Variants in MYT1L observed in about 807,000 individuals in gnomAD.
The protein encoded by MYT1L is myelin transcription factor 1-like protein.
Under a neutral mutation model 126.7 loss-of-function variants are expected in MYT1L, and 12 were observed. The observed-to-expected ratio is 0.09, with a 90% CI of 0.06 to 0.15. The LOEUF (loss-of-function observed/expected upper bound fraction) is 0.15, where lower values mean the gene tolerates loss of function less well. Ranked by LOEUF, MYT1L falls within the 10% of genes least tolerant of loss-of-function variation. MYT1L has a pLI of 1.00. For synonymous variants in MYT1L, 541 were observed against 604.2 expected, an observed-to-expected ratio of 0.90 and a Z score of 1.53; for missense variants, 979 against 1,585.2, an observed-to-expected ratio of 0.62 and a Z score of 6.49.
At chr2:1,849,090 T>C (rs1359320322) in intron 19 of MYT1L, among the ~76,000 whole-genome samples, 1 of 151,588 alleles carries the variant, frequency 6.6e-6, no homozygotes, top group South Asian at 2.1e-4. Context: ...GTCTAAGATA[T>C]ATGTAAAATG....
At chr2:1,984,472 C>T (rs971592765) in intron 5 of MYT1L, among the ~76,000 whole-genome samples, 11 of 151,150 alleles carry the variant, frequency 7.3e-5, no homozygotes, top group South Asian at 2.1e-4. Context: ...TCTGGGATCC[C>T]TGGTGTGAGC....
chr2:1,855,019 T>C (rs1490892116), intron 18 of MYT1L, among the ~76,000 whole-genome samples: 1 of 152,200 alleles, frequency 6.6e-6, no homozygotes, highest in Non-Finnish European at 1.5e-5. Context: ...CTAGACCACA[T>C]AAGGCAGCCC....
At chr2:1,827,697 GC>G (rs1374009446) in intron 21 of MYT1L, 1 of 152,154 alleles carries the variant, frequency 6.6e-6, no homozygotes, top group Non-Finnish European at 1.5e-5. Flanking sequence ...TCCTGAGTGT[GC>G]CCTGTCTATA....
At chr2:2,238,855 G>A (rs577412186) in intron 2 of MYT1L, among the ~76,000 whole-genome samples, 33 of 152,254 alleles carry the variant, frequency 2.2e-4, no homozygotes, top group African/African-American at 7.5e-4. Context: ...AGCTGTACAC[G>A]TCCCAGTCTC....
chr2:2,115,280 A>T (rs907847458), intron 3 of MYT1L, among the ~76,000 whole-genome samples: 11 of 152,252 alleles, frequency 7.2e-5, no homozygotes, highest in Admixed American at 6.5e-4. Context: ...CCACAAGGCC[A>T]GTGTTTTTAC....
Position 1,903,241 on chromosome 2 carries a change from T to C in MYT1L, c.1871A>G (p.Asn624Ser), listed in dbSNP as rs747542399. 5 of 1,613,814 alleles carry C rather than the reference T, an allele frequency of 3.1e-6. No homozygotes were observed. The highest frequency in any genetic ancestry group is 4.5e-5 in the East Asian group (2 of 44,896). The change falls in exon 14 of 25, where the codon AAT becomes AGT. Residue 624 changes from asparagine (N) to serine (S), a missense_variant. Physicochemically the swap from Asn to Ser is conservative, Grantham distance 46. This residue lies in a region of MYT1L where 82 missense variants were observed against 177.2 expected (regional missense o/e 0.46). Transcript: ENST00000647738. Reference sequence around the variant, plus strand: ...GGAACGCGGCGTAGTTGTGGGGACATTGTTTCTGTAGCCATACTGAGGAAT... The same window carrying C: ...GGAACGCGGCGTAGTTGTGGGGACACTGTTTCTGTAGCCATACTGAGGAAT... ...LEIPQYGYRN[N>S]VPTTTPRSNL...
chr2:1,903,898 G>A (rs527924046), intron 13 of MYT1L, among the ~76,000 whole-genome samples: 30 of 152,198 alleles, frequency 2.0e-4, no homozygotes, highest in African/African-American at 7.0e-4. Flanking sequence ...AAGGACACTG[G>A]GTCATTGCTC....
chr2:2,275,087 C>T (rs2095332327), intron 2 of MYT1L, among the ~76,000 whole-genome samples: 1 of 152,090 alleles, frequency 6.6e-6, no homozygotes, highest in African/African-American at 2.4e-5. Context: ...GGGACCACAG[C>T]TGGAGAGTGC....
chr2:1,830,792 G>A (rs1042098837), intron 21 of MYT1L, among the ~76,000 whole-genome samples: 4 of 148,200 alleles, frequency 2.7e-5, no homozygotes, highest in African/African-American at 5.2e-5. Context: ...GGGGAACTGT[G>A]GAGTGTGCCT....
At chr2:2,019,947 G>C (rs759286958) in intron 4 of MYT1L, among the ~76,000 whole-genome samples, 5 of 152,004 alleles carry the variant, frequency 3.3e-5, no homozygotes, top group Non-Finnish European at 7.4e-5. Context: ...TGGGCTCAAG[G>C]GATCCTCCCA....
In MYT1L at chr2:2,033,063, C is replaced by T. The variant is rs199708597; in HGVS notation, c.-158+20915G>A. 1.0e-4 allele frequency among the ~76,000 whole-genome samples: 14 copies of T among 134,750 alleles called. No homozygotes were observed. The East Asian group carries it at 1.4e-3, about 14-fold the overall frequency. 88.4% of individuals were successfully genotyped at this position (134,750 alleles called of 152,430 possible). A position where few individuals can be genotyped will look rare whatever the true frequency, so the allele number is the denominator to read the frequency against. On this transcript the variant is annotated intron_variant, in intron 4 of 24. Coordinates refer to ENST00000647738, the MANE Select transcript of MYT1L (RefSeq NM_001303052.2). ...GAAGGAGGGCCTTACACACACCCCT[C>T]GCCAGTGCCTCTCATCCTGTGGCCC...
rs558417284 is a variant in MYT1L at position 1,991,647 on chromosome 2, C to A, written c.-1+5544G>T. 4.1e-4 allele frequency among the ~76,000 whole-genome samples: 63 copies of A among 152,264 alleles called. 2 individuals carry two copies. In the South Asian group the frequency reaches 0.012, roughly 28 times the overall value. ...CCATCCTTCTTTCCAGTGTGTCTGT[C>A]CATCCCTCTCGCCTGGTTCGCCTCC... On this transcript the variant is annotated intron_variant, in intron 5 of 24. Transcript: ENST00000647738.
chr2:2,163,437 C>A (rs547222022), intron 3 of MYT1L, among the ~76,000 whole-genome samples: 181 of 152,052 alleles, frequency 1.2e-3, no homozygotes, highest in Non-Finnish European at 2.1e-3. Flanking sequence ...AAGTAAGAAA[C>A]AAAACAGGCC....
chr2:2,259,572 G>T (rs1438493372), intron 2 of MYT1L, among the ~76,000 whole-genome samples: 1 of 151,966 alleles, frequency 6.6e-6, no homozygotes, highest in Non-Finnish European at 1.5e-5. Context: ...AAAAAATCAG[G>T]AATATGTCCC....
intron 1 of MYT1L, chr2:2,325,123 G>A (rs1374359836): frequency 1.3e-5 from 2 of 152,386 alleles, no homozygotes; most frequent in Non-Finnish European, 2.9e-5. Flanking sequence ...TATCATTGAT[G>A]TTATGGTAAA....
intron 2 of MYT1L, among the ~76,000 whole-genome samples, chr2:2,221,925 C>A (rs2093885164): frequency 6.6e-6 from 1 of 152,128 alleles, no homozygotes; most frequent in African/African-American, 2.4e-5. Flanking sequence ...GCTGAAGCCG[C>A]CTTCCTGTTT....
At chr2:2,004,244 T>C in intron 4 of MYT1L, among the ~76,000 whole-genome samples, 1 of 150,034 alleles carries the variant, frequency 6.7e-6, no homozygotes, top group East Asian at 2.0e-4. Flanking sequence ...CCTGCAGGCG[T>C]TCTTTCCTGC....
At chr2:2,233,444 G>A (rs917176496) in intron 2 of MYT1L, among the ~76,000 whole-genome samples, 3 of 152,166 alleles carry the variant, frequency 2.0e-5, no homozygotes, top group Admixed American at 6.5e-5. Context: ...GTGCCCCTGC[G>A]GACCTCGCCT....
At position 2,000,278 on chromosome 2, in the gene MYT1L, T is replaced by C. The variant is rs557837658; in HGVS notation, c.-157-2931A>G. Among the ~76,000 whole-genome samples the C allele has an allele frequency of 2.7e-3, 415 of 152,266 alleles. 4 individuals carry two copies. Among genetic ancestry groups the C allele is most frequent in the African/African-American group, 9.6e-3 (401 of 41,556 alleles). On this transcript the variant is annotated intron_variant, in intron 4 of 24. Transcript: ENST00000647738. ...CCACAACCTGGTGCACAGACTCCTG[T>C]CCCAGGGCAGGGGGGTCAAGAACCT... is the stretch of plus-strand genomic sequence containing the variant.
Sources: allele counts gnomAD v4.1 joint callset (sites outside exome capture counted in the v4.1 genomes callset), GRCh38; gene constraint gnomAD v4.1.1; regional missense constraint gnomAD v4.1.1; transcripts MANE v1.5; gene names NCBI Gene and HGNC (gene_info 2026-07-23, HGNC 2026-07-21).